The following SUPT3H variants were observed in gnomAD, a reference collection of about 807,000 sequenced individuals.
SUPT3H encodes SPT3 homolog, SAGA and STAGA complex component, also known as transcription initiation protein SPT3 homolog.
A neutral mutation model predicts 44.3 loss-of-function variants in SUPT3H; 44 were observed. The observed-to-expected ratio is 0.99, with a 90% CI of 0.78 to 1.28. SUPT3H has a LOEUF of 1.28. Among genes scored for constraint, SUPT3H ranks in the 50% most tolerant of loss-of-function variants. The pLI is 0.00. For synonymous variants in SUPT3H, 124 were observed against 125.6 expected (o/e 0.99, Z 0.09); for missense variants, 380 against 387.1 (o/e 0.98, Z 0.15).
intron 2 of SUPT3H, among the ~76,000 whole-genome samples, chr6:45,281,612 G>T (rs1778098371): frequency 1.3e-5 from 2 of 152,202 alleles, no homozygotes; most frequent in Admixed American, 6.5e-5. Flanking sequence ...ACTGGATGGA[G>T]CCCAGCACAG....
intron 3 of SUPT3H, among the ~76,000 whole-genome samples, chr6:45,055,803 CA>C (rs1583284368): frequency 1.3e-5 from 2 of 152,130 alleles, no homozygotes; most frequent in Non-Finnish European, 1.5e-5. Context: ...GCAAATGCAA[CA>C]AAAACAAAGG....
At chr6:45,320,409 G>A (rs889440362) in intron 2 of SUPT3H, among the ~76,000 whole-genome samples, 16 of 151,416 alleles carry the variant, frequency 1.1e-4, no homozygotes, top group African/African-American at 2.7e-4. Flanking sequence ...GACCACAAGC[G>A]TACGTCACCA....
chr6:44,932,242 CTCT>C (rs1240220822), intron 10 of SUPT3H, among the ~76,000 whole-genome samples: 2 of 152,174 alleles, frequency 1.3e-5, no homozygotes, highest in African/African-American at 4.8e-5. Flanking sequence ...AAAGAAATAT[CTCT>C]TCTTCTTCCA....
chr6:44,947,605 C>T (rs943572320), intron 9 of SUPT3H, among the ~76,000 whole-genome samples: 3 of 151,802 alleles, frequency 2.0e-5, no homozygotes, highest in East Asian at 3.9e-4. Flanking sequence ...CTAAAATTTA[C>T]ATAGAAATGC....
At chr6:45,153,966 A>T (rs1332951299) in intron 2 of SUPT3H, among the ~76,000 whole-genome samples, 1 of 150,552 alleles carries the variant, frequency 6.6e-6, no homozygotes, top group African/African-American at 2.4e-5. Flanking sequence ...GCTACTCGGG[A>T]GGCTGAGGCA....
At chr6:45,098,783 G>C in intron 3 of SUPT3H, 1 of 511,426 alleles carries the variant, frequency 2.0e-6, no homozygotes, top group Non-Finnish European at 3.9e-6. Flanking sequence ...GAGAGATGCA[G>C]ATTGATTACT....
chr6:44,985,934 A>T (rs1779726248), intron 6 of SUPT3H, among the ~76,000 whole-genome samples: 3 of 152,194 alleles, frequency 2.0e-5, no homozygotes, highest in African/African-American at 7.2e-5. Context: ...TGTTTTTAAA[A>T]TTTTTGAAAG....
chr6:45,244,054 T>G (rs1770888467), intron 2 of SUPT3H, among the ~76,000 whole-genome samples: 1 of 152,104 alleles, frequency 6.6e-6, no homozygotes, highest in South Asian at 2.1e-4. Flanking sequence ...GCTAATTTTT[T>G]TCTATTTTTT....
rs145194814 is a variant in SUPT3H, at chr6:45,069,579, A to T, written c.186+36343T>A. Among the ~76,000 whole-genome samples the T allele has an allele frequency of 2.6e-3, 391 of 152,278 alleles. 3 individuals carry two copies. Among genetic ancestry groups the T allele is most frequent in the African/African-American group, 8.6e-3 (357 of 41,558 alleles). ...ATAAGTATATGTAAACTAATGGAAGAAAACAGTACACTCATAGTCACCTTC... is the reference window on the plus strand; with the variant it reads ...ATAAGTATATGTAAACTAATGGAAGTAAACAGTACACTCATAGTCACCTTC... On this transcript the variant is annotated intron_variant, in intron 3 of 10. Coordinates refer to ENST00000371459, the MANE Select transcript of SUPT3H (RefSeq NM_003599.4).
chr6:45,238,804 C>T (rs989752554), intron 2 of SUPT3H, among the ~76,000 whole-genome samples: 3 of 152,150 alleles, frequency 2.0e-5, no homozygotes, highest in African/African-American at 2.4e-5. Context: ...GTCCCTCTCA[C>T]GAAGGCACAA....
At chr6:45,279,322 G>A (rs1777544447) in intron 2 of SUPT3H, among the ~76,000 whole-genome samples, 2 of 152,154 alleles carry the variant, frequency 1.3e-5, no homozygotes, top group South Asian at 4.1e-4. Context: ...CATTTAAGTA[G>A]AGGTTATGTG....
At chr6:45,361,142 A>G (rs1266295710) in intron 2 of SUPT3H, among the ~76,000 whole-genome samples, 1 of 152,214 alleles carries the variant, frequency 6.6e-6, no homozygotes, top group Non-Finnish European at 1.5e-5. Flanking sequence ...CAAAAATTGC[A>G]GAACTGTACA....
chr6:45,295,824 TG>T (rs1231613292), intron 2 of SUPT3H, among the ~76,000 whole-genome samples: 1 of 151,978 alleles, frequency 6.6e-6, no homozygotes, highest in Non-Finnish European at 1.5e-5. Context: ...AAACAAAAAC[TG>T]GGTAAATGTT....
At chr6:44,983,723 T>C (rs1363562111) in intron 6 of SUPT3H, among the ~76,000 whole-genome samples, 2 of 152,198 alleles carry the variant, frequency 1.3e-5, no homozygotes, top group Non-Finnish European at 2.9e-5. Context: ...GCTTAAGTAA[T>C]ATAGTATTTA....
intron 2 of SUPT3H, among the ~76,000 whole-genome samples, chr6:45,131,750 C>T (rs1803500572): frequency 6.6e-6 from 1 of 152,066 alleles, no homozygotes; most frequent in African/African-American, 2.4e-5. Flanking sequence ...AAATATTATT[C>T]CCAAAAAGCA....
At chr6:45,176,001 A>G (rs1309074180) in intron 2 of SUPT3H, among the ~76,000 whole-genome samples, 1 of 152,170 alleles carries the variant, frequency 6.6e-6, no homozygotes, top group East Asian at 1.9e-4. Context: ...GTATCTCCCA[A>G]GCAATGACTC....
Position 45,058,525 on chromosome 6 carries a change from T to C in SUPT3H, c.187-37893A>G, listed in dbSNP as rs144035746. On this transcript the variant is annotated intron_variant, in intron 3 of 10. Coordinates refer to ENST00000371459, the MANE Select transcript of SUPT3H (RefSeq NM_003599.4). ...TCTGGCATAAAATACTGTTATATTA[T>C]ACAGAGTGATTTTCAGTTTGGGGAT... 2.0e-3 allele frequency among the ~76,000 whole-genome samples: 299 copies of C among 152,298 alleles called. 1 individual carries two copies. The highest frequency in any genetic ancestry group is 6.7e-3 in the African/African-American group (279 of 41,586).
At position 44,831,770 on chromosome 6, in the gene SUPT3H, G is replaced by GAAAT. The variant is rs544127620; in HGVS notation, c.913-1917_913-1914dup. Among the ~76,000 whole-genome samples, 19 of 104,472 alleles carry GAAAT rather than the reference G, an allele frequency of 1.8e-4. No homozygotes were observed. The South Asian group carries it at 6.6e-3, about 36-fold the overall frequency. 68.5% of individuals were successfully genotyped at this position (104,472 alleles called of 152,430 possible). ...CTGAGTCTTAGCTGAGTTCACCTGA[G>GAAAT]AAATAACCAGGTTTTAATCTTTTCA... On this transcript the variant is annotated intron_variant, in intron 10 of 10. Transcript: ENST00000371459.
chr6:45,221,155 T>C (rs112148248), intron 2 of SUPT3H, among the ~76,000 whole-genome samples: 3,101 of 152,210 alleles, frequency 0.02, 43 homozygotes, highest in Non-Finnish European at 0.032. Context: ...TTCTCACTCA[T>C]AGGTGGGAAC....
Sources: allele counts gnomAD v4.1 joint callset (sites outside exome capture counted in the v4.1 genomes callset), GRCh38; gene constraint gnomAD v4.1.1; transcripts MANE v1.5; gene names NCBI Gene and HGNC (gene_info 2026-07-23, HGNC 2026-07-21).